SCD5: variants seen among roughly 807,000 people sequenced by gnomAD.
The protein encoded by SCD5 is stearoyl-CoA desaturase 5.
In SCD5, 20 loss-of-function variants were observed where a neutral mutation model predicts 30.4. The ratio of observed to expected loss-of-function variants is 0.66; its 90% CI spans 0.46 to 0.96. The LOEUF (loss-of-function observed/expected upper bound fraction) is 0.96. Among genes scored for constraint, SCD5 ranks in the 40% least tolerant of loss-of-function variants. The probability of loss-of-function intolerance (pLI) is 0.00; values close to 1 mark genes in which losing one functional copy is unlikely to be tolerated. For missense variants in SCD5, 381 were observed against 443.3 expected, an observed-to-expected ratio of 0.86 and a Z score of 1.26; for synonymous variants, 173 against 176.4, an observed-to-expected ratio of 0.98 and a Z score of 0.16.
At chr4:82,665,061 CATAT>C (rs200005307) in intron 3 of SCD5, among the ~76,000 whole-genome samples, 22 of 22,320 alleles carry the variant, frequency 9.9e-4, no homozygotes, top group East Asian at 5.2e-3. Flanking sequence ...TACACACACA[CATAT>C]ATATATATAT....
At chr4:82,777,953 T>C (rs1721788564) in intron 1 of SCD5, among the ~76,000 whole-genome samples, 1 of 136,464 alleles carries the variant, frequency 7.3e-6, no homozygotes, top group Non-Finnish European at 1.5e-5. Flanking sequence ...AATAGCAAAG[T>C]CATGGAACCA....
chr4:82,762,463 G>A (rs1721395344), intron 1 of SCD5, among the ~76,000 whole-genome samples: 1 of 152,074 alleles, frequency 6.6e-6, no homozygotes, highest in Non-Finnish European at 1.5e-5. Context: ...GGTTGGCCTC[G>A]AACTCCCAAC....
intron 3 of SCD5, among the ~76,000 whole-genome samples, chr4:82,679,240 G>A (rs1728507004): frequency 1.0e-5 from 1 of 99,880 alleles, no homozygotes; most frequent in Non-Finnish European, 2.0e-5. Flanking sequence ...AAGAAAGAAA[G>A]AAAGAAAGAA....
At chr4:82,797,044 C>A (rs1364273537) in intron 1 of SCD5, among the ~76,000 whole-genome samples, 1 of 152,174 alleles carries the variant, frequency 6.6e-6, no homozygotes, top group African/African-American at 2.4e-5. Context: ...CTGAGCCACA[C>A]CCCCTAAGAG....
intron 3 of SCD5, among the ~76,000 whole-genome samples, chr4:82,665,312 A>G (rs1162696352): frequency 6.6e-6 from 1 of 151,020 alleles, no homozygotes; most frequent in East Asian, 1.9e-4. Context: ...AGAATTTTCC[A>G]AAATTAATGA....
chr4:82,682,268 G>A (rs1051566777), intron 2 of SCD5, among the ~76,000 whole-genome samples: 8 of 152,160 alleles, frequency 5.3e-5, no homozygotes, highest in African/African-American at 1.7e-4. Flanking sequence ...TTCTCATAAT[G>A]GGAGACACGG....
intron 1 of SCD5, among the ~76,000 whole-genome samples, chr4:82,728,361 T>C (rs1439770885): frequency 2.0e-5 from 3 of 152,140 alleles, no homozygotes; most frequent in African/African-American, 7.2e-5. Context: ...CAAAACTAAA[T>C]TGCCTTTGTA....
At chr4:82,763,085 G>T (rs1427734866) in intron 1 of SCD5, among the ~76,000 whole-genome samples, 2 of 152,198 alleles carry the variant, frequency 1.3e-5, no homozygotes, top group East Asian at 3.9e-4. Flanking sequence ...TGTTCCTGGG[G>T]AGGACAGCTG....
intron 1 of SCD5, among the ~76,000 whole-genome samples, chr4:82,774,665 C>G (rs558556832): frequency 6.6e-6 from 1 of 152,286 alleles, no homozygotes; most frequent in South Asian, 2.1e-4. Flanking sequence ...GTGACCTTCC[C>G]TCTTCCCCCA....
chr4:82,724,586 A>G (rs979826845), intron 1 of SCD5, among the ~76,000 whole-genome samples: 20 of 152,250 alleles, frequency 1.3e-4, no homozygotes, highest in Non-Finnish European at 2.8e-4. Context: ...GGGAAAGGCA[A>G]TATCAAATTA....
At chr4:82,636,452 GAAAAA>G in intron 4 of SCD5, 134 bp downstream of exon 4, 1 of 551,244 alleles carries the variant, frequency 1.8e-6, no homozygotes. Context: ...CTCTATCTCG[GAAAAA>G]AAAAAAAAAA....
chr4:82,789,473 G>C (rs1041382847), intron 1 of SCD5, among the ~76,000 whole-genome samples: 1 of 152,188 alleles, frequency 6.6e-6, no homozygotes, highest in Non-Finnish European at 1.5e-5. Flanking sequence ...GATTCCGTGG[G>C]GTCGGTGAGG....
intron 3 of SCD5, among the ~76,000 whole-genome samples, chr4:82,656,173 G>A (rs1010561036): frequency 6.6e-6 from 1 of 152,082 alleles, no homozygotes. Context: ...AGGTATACAC[G>A]TGCTATGGTG....
intron 2 of SCD5, among the ~76,000 whole-genome samples, chr4:82,689,882 T>C (rs929106052): frequency 6.6e-6 from 1 of 152,212 alleles, no homozygotes; most frequent in African/African-American, 2.4e-5. Context: ...AGAATGCTAA[T>C]GTAGTACTCC....
chr4:82,740,101 A>T (rs1485645569), intron 1 of SCD5, among the ~76,000 whole-genome samples: 2 of 152,128 alleles, frequency 1.3e-5, no homozygotes, highest in Admixed American at 1.3e-4. Flanking sequence ...TTTCAACTTA[A>T]ACTCGAGATA....
At chr4:82,770,581 A>C (rs1021366774) in intron 1 of SCD5, among the ~76,000 whole-genome samples, 1 of 152,246 alleles carries the variant, frequency 6.6e-6, no homozygotes, top group African/African-American at 2.4e-5. Flanking sequence ...TTATTCAGGG[A>C]AATATTTGTT....
intron 1 of SCD5, among the ~76,000 whole-genome samples, chr4:82,724,793 G>A (rs558505902): frequency 1.4e-4 from 21 of 152,220 alleles, no homozygotes. Context: ...TGCTGTCGTT[G>A]TGCCTGTGAG....
At chr4:82,747,069 G>GCCCCCCCCCCCCCCCCCCC (rs151046123) in intron 1 of SCD5, among the ~76,000 whole-genome samples, 3 of 139,676 alleles carry the variant, frequency 2.1e-5, no homozygotes, top group Non-Finnish European at 4.8e-5. Context: ...TGGGCAACCT[G>GCCCCCCCCCCCCCCCCCCC]CCCCCCAAGA....
chr4:82,653,804 G>T (rs10019368), intron 3 of SCD5, among the ~76,000 whole-genome samples: 1 of 151,796 alleles, frequency 6.6e-6, no homozygotes, highest in African/African-American at 2.4e-5. Flanking sequence ...TTGATAGTTA[G>T]GACATCTGAG....
Sources: gnomAD v4.1 joint callset for allele counts (sites outside exome capture counted in the v4.1 genomes callset) on GRCh38, gnomAD v4.1.1 for gene constraint, MANE v1.5 for transcripts, NCBI Gene and HGNC (gene_info 2026-07-23, HGNC 2026-07-21) for gene names.